Variants in GPX7 observed in about 807,000 individuals in gnomAD.
The protein encoded by GPX7 is glutathione peroxidase 7, also known as protein peroxidase GPX7.
Under a neutral mutation model 23.7 loss-of-function variants are expected in GPX7, and 21 were observed. The observed-to-expected ratio is 0.89, with a 90% confidence interval of 0.63 to 1.28. The LOEUF is 1.28. Ranked by LOEUF, GPX7 falls within the 50% of genes most tolerant of loss-of-function variation. The pLI, the probability that GPX7 is intolerant of heterozygous loss-of-function variation, is 0.00. For missense variants in GPX7, 238 were observed against 237.3 expected (o/e 1.00, Z -0.02); for synonymous variants, 112 against 101.8 (o/e 1.10, Z -0.61).
Position 52,606,641 on chromosome 1 carries a change from C to T in GPX7, c.139-43C>T, listed in dbSNP as rs1349896862. On this transcript the variant is annotated intron_variant, in intron 1 of 2. Transcript: ENST00000361314. ...GCATGTACAGGTTCATGCCTCTTCA[C>T]TGGCTTGTCTGGGCTTTGTTTTGTT... The T allele has an allele frequency of 6.9e-6, 11 of 1,594,956 alleles. No individual in the cohort carries two copies. The Admixed American group carries it at 1.8e-4, about 27-fold the overall frequency.
chr1:52,602,587 T>C, intron 1 of GPX7, 40 bp downstream of exon 1: 1 of 1,399,688 alleles, frequency 7.1e-7, no homozygotes, highest in Non-Finnish European at 9.6e-7. Context: ...GGGCCCGGCC[T>C]CGCCCTGGCG....
At chr1:52,604,174 T>C (rs1690830388) in intron 1 of GPX7, among the ~76,000 whole-genome samples, 1 of 151,962 alleles carries the variant, frequency 6.6e-6, no homozygotes, top group Non-Finnish European at 1.5e-5. Flanking sequence ...AAGACAAAAA[T>C]AGAACAAGGT....
intron 1 of GPX7, among the ~76,000 whole-genome samples, chr1:52,605,847 G>A (rs950649943): frequency 6.6e-6 from 1 of 152,148 alleles, no homozygotes; most frequent in Non-Finnish European, 1.5e-5. Context: ...GTGATGGCAC[G>A]TGCCTGTAGT....
chr1:52,602,552 GT>G lies in GPX7; in HGVS notation c.138+6del, dbSNP rs773871413. 5 of 1,546,880 alleles carry G rather than the reference GT, an allele frequency of 3.2e-6. No individual in the cohort carries two copies. In the Admixed American group the frequency reaches 1.0e-4, roughly 31 times the overall value. On this transcript the variant is annotated splice_donor_region_variant and intron_variant, in intron 1 of 2. Transcript: ENST00000361314. ...CTGGAGAAGTACCGCGGATCGGTGA[GT>G]GCGCGGGGTCTGGCGGCGCCGCTGG... is the stretch of plus-strand genomic sequence containing the variant.
chr1:52,602,919 C>T lies in GPX7; in HGVS notation c.138+372C>T, dbSNP rs1232387381. Among the ~76,000 whole-genome samples, 3 of 152,210 alleles carry T rather than the reference C, an allele frequency of 2.0e-5. No homozygotes were observed. In the East Asian group the frequency reaches 5.8e-4, roughly 29 times the overall value. On this transcript the variant is annotated intron_variant, in intron 1 of 2. Transcript: ENST00000361314. ...TGAAAAAAGTAACCGTAGCATCGTG[C>T]GGCCTTTCCCTCTCCCGTCCTCATT...
intron 1 of GPX7, among the ~76,000 whole-genome samples, chr1:52,603,363 G>T (rs1196797159): frequency 1.4e-5 from 2 of 142,976 alleles, no homozygotes; most frequent in African/African-American, 2.5e-5. Context: ...GGGTGGGGGG[G>T]CGCGGGGCCA....
At chr1:52,604,635 G>A (rs559471129) in intron 1 of GPX7, among the ~76,000 whole-genome samples, 1 of 147,944 alleles carries the variant, frequency 6.8e-6, no homozygotes, top group African/African-American at 2.7e-5. Flanking sequence ...ACTTGGGTGT[G>A]TCTGTCTGTG....
In GPX7 at chr1:52,606,927, G is replaced by A. The variant is rs1245944107; in HGVS notation, c.382G>A (p.Ala128Thr). 5.0e-6 allele frequency: 8 copies of A among 1,614,076 alleles called. No individual in the cohort carries two copies. The Admixed American group carries it at 1.3e-4, about 27-fold the overall frequency. The part of the protein sequence containing the change: ...IAVTGTGAHP[A>T]FKYLAQTSGK... ...AGTCACCGGTACTGGTGCCCATCCTGCCTTCAAGTACCTGGCCCGTAAGTC... is the reference window on the plus strand; with the variant it reads ...AGTCACCGGTACTGGTGCCCATCCTACCTTCAAGTACCTGGCCCGTAAGTC... The change falls in exon 2 of 3, where the codon GCC becomes ACC. Residue 128 changes from alanine (A) to threonine (T), a missense_variant. Physicochemically the swap from Ala to Thr is moderately conservative, Grantham distance 58. Transcript: ENST00000361314.
At chr1:52,604,936 T>C (rs566295655) in intron 1 of GPX7, among the ~76,000 whole-genome samples, 141 of 150,266 alleles carry the variant, frequency 9.4e-4, no homozygotes, top group African/African-American at 3.4e-3. Flanking sequence ...TCCCAGCTAC[T>C]CAGGAGGCTG....
chr1:52,604,741 G>A (rs1176216451), intron 1 of GPX7, among the ~76,000 whole-genome samples: 1 of 152,158 alleles, frequency 6.6e-6, no homozygotes, highest in African/African-American at 2.4e-5. Flanking sequence ...TGCAAGTTGT[G>A]AGTTAAAAAT....
intron 2 of GPX7, 78 bp downstream of exon 2, chr1:52,607,023 T>A (rs1690861880): frequency 2.6e-6 from 4 of 1,518,260 alleles, no homozygotes; most frequent in Non-Finnish European, 3.6e-6. Flanking sequence ...CAGAAGCCAC[T>A]GGCTGGTTGG....
intron 2 of GPX7, 150 bp downstream of exon 2, chr1:52,607,095 C>A: frequency 1.3e-6 from 1 of 764,856 alleles, no homozygotes; most frequent in African/African-American, 1.7e-5. Flanking sequence ...TGTTCCAGCA[C>A]TAATCTTTGA....
intron 1 of GPX7, among the ~76,000 whole-genome samples, chr1:52,606,409 T>C (rs947588986): frequency 1.3e-5 from 2 of 152,218 alleles, no homozygotes; most frequent in African/African-American, 4.8e-5. Context: ...TTTATGTATG[T>C]TGTATACTTA....
Position 52,608,637 on chromosome 1 carries a change from C to A in GPX7, c.*212C>A. On this transcript the variant is annotated 3_prime_UTR_variant, in exon 3 of 3. Coordinates refer to ENST00000361314, the MANE Select transcript of GPX7 (RefSeq NM_015696.5). ...AATAGGAACTCCTGGCCAATGAGAG[C>A]TCTTGACCAGTGAATCACCAGCCGA... The A allele has an allele frequency of 2.8e-6, 1 of 360,608 alleles. No homozygotes were observed. The highest frequency in any genetic ancestry group is 5.0e-6 in the Non-Finnish European group (1 of 200,910). The allele number at this position is 360,608 out of a possible 1,614,324, so 22.3% of individuals were successfully genotyped here.
chr1:52,608,725 C>G lies in GPX7; in HGVS notation c.*300C>G, dbSNP rs540818283. The G allele has an allele frequency of 3.7e-5, 7 of 188,970 alleles. No individual in the cohort carries two copies. In the South Asian group the frequency reaches 1.0e-3, roughly 27 times the overall value. The allele number at this position is 188,970 out of a possible 1,614,324, so 11.7% of individuals were successfully genotyped here. A position where few individuals can be genotyped will look rare whatever the true frequency, so the allele number is the denominator to read the frequency against. ...AAGTATATCAAGCAATAATCTCCCA[C>G]CCAAGGCTTCTGTAAACTGGGACCA... On this transcript the variant is annotated 3_prime_UTR_variant, in exon 3 of 3. Transcript: ENST00000361314.
rs1690810312 is a variant in GPX7, at chr1:52,602,537, A to T, written c.128A>T (p.Tyr43Phe). 6.4e-7 allele frequency: 1 copy of T among 1,559,418 alleles called. No homozygotes were observed. Among genetic ancestry groups the T allele is most frequent in the Admixed American group, 1.9e-5 (1 of 52,360 alleles). Residue 43 changes from tyrosine to phenylalanine, a missense_variant, in exon 1 of 3, where the codon TAC becomes TTC. Tyr to Phe is a conservative substitution (Grantham distance 22, BLOSUM62 3). Coordinates refer to ENST00000361314, the MANE Select transcript of GPX7 (RefSeq NM_015696.5). Reference protein sequence around the residue: ...IRGKLVSLEKYRGSVSLVVNV... With the variant: ...IRGKLVSLEKFRGSVSLVVNV... ...GGCAAACTGGTGTCGCTGGAGAAGT[A>T]CCGCGGATCGGTGAGTGCGCGGGGT...
chr1:52,608,213 G>C (rs1690875209), intron 2 of GPX7, 49 bp from the exon 3 acceptor site: 1 of 1,532,544 alleles, frequency 6.5e-7, no homozygotes, highest in African/African-American at 1.4e-5. Context: ...GAAGTCCCAG[G>C]AGAGGGTACG....
At position 52,602,528 on chromosome 1, in the gene GPX7, T is replaced by C. The variant is rs1690809840; in HGVS notation, c.119T>C (p.Leu40Pro). Reference sequence around the variant, plus strand: ...AACATCCGGGGCAAACTGGTGTCGCTGGAGAAGTACCGCGGATCGGTGAGT... The same window carrying C: ...AACATCCGGGGCAAACTGGTGTCGCCGGAGAAGTACCGCGGATCGGTGAGT... ...AVNIRGKLVSLEKYRGSVSLV... is the reference protein window; with the variant it reads ...AVNIRGKLVSPEKYRGSVSLV... Residue 40 changes from leucine to proline, a missense_variant, in exon 1 of 3, where the codon CTG (leucine) becomes CCG (proline). Coordinates refer to ENST00000361314, the MANE Select transcript of GPX7 (RefSeq NM_015696.5). 1.9e-6 allele frequency: 3 copies of C among 1,562,022 alleles called. No homozygotes were observed. The highest frequency in any genetic ancestry group is 2.3e-5 in the South Asian group (2 of 85,278).
At chr1:52,603,720 G>T (rs1264342454) in intron 1 of GPX7, among the ~76,000 whole-genome samples, 1 of 152,190 alleles carries the variant, frequency 6.6e-6, no homozygotes, top group African/African-American at 2.4e-5. Context: ...GATTATGCTG[G>T]GAGTCTTGGG....
Sources: gnomAD v4.1 joint callset for allele counts (sites outside exome capture counted in the v4.1 genomes callset) on GRCh38, gnomAD v4.1.1 for gene constraint, MANE v1.5 for transcripts, NCBI Gene and HGNC (gene_info 2026-07-23, HGNC 2026-07-21) for gene names.